The following ZBTB20 variants were observed in gnomAD, a reference collection of about 807,000 sequenced individuals.
The protein encoded by ZBTB20 is zinc finger and BTB domain-containing protein 20.
In ZBTB20, 9 loss-of-function variants were observed where a neutral mutation model predicts 56.9. The ratio of observed to expected loss-of-function variants is 0.16; its 90% CI spans 0.10 to 0.28. The LOEUF (loss-of-function observed/expected upper bound fraction) is 0.28, where lower values mean the gene tolerates loss of function less well. Among genes scored for constraint, ZBTB20 ranks in the 10% least tolerant of loss-of-function variants. The pLI is 1.00. For missense variants in ZBTB20, 655 were observed against 1,003.0 expected (o/e 0.65, Z 4.69); for synonymous variants, 417 against 420.7 (o/e 0.99, Z 0.11).
intron 3 of ZBTB20, among the ~76,000 whole-genome samples, chr3:114,934,550 T>A (rs1004010951): frequency 3.3e-5 from 5 of 152,156 alleles, no homozygotes; most frequent in Admixed American, 2.0e-4. Flanking sequence ...ATTAATCATC[T>A]CTTTTCCTTA....
At chr3:114,346,810 CA>C (rs1201366892) in intron 11 of ZBTB20, among the ~76,000 whole-genome samples, 1 of 150,082 alleles carries the variant, frequency 6.7e-6, no homozygotes, top group Non-Finnish European at 1.5e-5. Flanking sequence ...TTCAGCGTCC[CA>C]AGTAGCTGGA....
intron 7 of ZBTB20, among the ~76,000 whole-genome samples, chr3:114,393,428 T>C (rs1200961271): frequency 4.6e-5 from 7 of 152,244 alleles, no homozygotes; most frequent in Admixed American, 1.3e-4. Flanking sequence ...ATAGTATGTC[T>C]GTCCTTTAAT....
At chr3:114,571,240 C>T (rs761308049) in intron 6 of ZBTB20, among the ~76,000 whole-genome samples, 5 of 152,060 alleles carry the variant, frequency 3.3e-5, no homozygotes, top group African/African-American at 1.2e-4. Flanking sequence ...TCGAAGCATG[C>T]GTTTAACACT....
chr3:115,138,477 C>T (rs1254149421), intron 1 of ZBTB20, among the ~76,000 whole-genome samples: 2 of 152,036 alleles, frequency 1.3e-5, no homozygotes, highest in Admixed American at 1.3e-4. Context: ...CAAATCTATG[C>T]CTTTCTGAAA....
intron 6 of ZBTB20, among the ~76,000 whole-genome samples, chr3:114,545,333 C>T (rs2049744446): frequency 1.3e-5 from 2 of 152,182 alleles, no homozygotes; most frequent in Non-Finnish European, 2.9e-5. Flanking sequence ...TTCTGTCTCT[C>T]ATATAAACTA....
At chr3:114,982,520 T>C (rs1359056443) in intron 2 of ZBTB20, among the ~76,000 whole-genome samples, 1 of 151,914 alleles carries the variant, frequency 6.6e-6, no homozygotes, top group East Asian at 1.9e-4. Flanking sequence ...ACTTAAAAAA[T>C]AAATAAAATA....
At chr3:114,342,999 G>C (rs1380122974) in intron 11 of ZBTB20, among the ~76,000 whole-genome samples, 1 of 152,176 alleles carries the variant, frequency 6.6e-6, no homozygotes, top group Non-Finnish European at 1.5e-5. Flanking sequence ...GGAAGAAACT[G>C]AGGGGGAGGC....
intron 1 of ZBTB20, among the ~76,000 whole-genome samples, chr3:115,127,979 T>C (rs2084380626): frequency 6.6e-6 from 1 of 152,188 alleles, no homozygotes; most frequent in Non-Finnish European, 1.5e-5. Flanking sequence ...TCCCATTTCC[T>C]TGGTGTTCTC....
intron 1 of ZBTB20, among the ~76,000 whole-genome samples, chr3:115,083,288 C>T (rs1190839526): frequency 6.6e-6 from 1 of 151,898 alleles, no homozygotes; most frequent in Non-Finnish European, 1.5e-5. Flanking sequence ...TTTTTCAATC[C>T]ATGTGCCCAT....
At chr3:114,597,528 T>G (rs983281282) in intron 6 of ZBTB20, among the ~76,000 whole-genome samples, 2 of 152,200 alleles carry the variant, frequency 1.3e-5, no homozygotes, top group African/African-American at 4.8e-5. Context: ...TATGGCTTGT[T>G]TGTGCATTTA....
chr3:114,605,807 A>G (rs2057100229), intron 6 of ZBTB20, among the ~76,000 whole-genome samples: 1 of 152,160 alleles, frequency 6.6e-6, no homozygotes, highest in Non-Finnish European at 1.5e-5. Flanking sequence ...GAGGATAGAA[A>G]GGGATTCTAG....
chr3:114,489,874 TCACGGCCACCACCTCTTTCTAAGC>T (rs2042541943), intron 7 of ZBTB20, among the ~76,000 whole-genome samples: 1 of 152,182 alleles, frequency 6.6e-6, no homozygotes, highest in South Asian at 2.1e-4. Context: ...AGATAAGCCA[TCACGGCCACCACCTCTTTCTAAGC>T]TATCATTTTA....
At chr3:114,725,578 T>C (rs2065215008) in intron 5 of ZBTB20, among the ~76,000 whole-genome samples, 1 of 152,214 alleles carries the variant, frequency 6.6e-6, no homozygotes, top group African/African-American at 2.4e-5. Flanking sequence ...TTCGCTAAAA[T>C]GAATATACTC....
At chr3:114,487,244 G>A (rs769670179) in intron 7 of ZBTB20, among the ~76,000 whole-genome samples, 45 of 152,180 alleles carry the variant, frequency 3.0e-4, no homozygotes, top group Non-Finnish European at 6.2e-4. Flanking sequence ...GGTACACTGA[G>A]TCAGTGGCAT....
In ZBTB20 at chr3:114,420,720, T is replaced by C. The variant is rs2089078469; in HGVS notation, c.-254-31615A>G. Among the ~76,000 whole-genome samples the C allele has an allele frequency of 1.3e-5, 2 of 152,100 alleles. 1 individual carries two copies. The highest frequency in any genetic ancestry group is 4.1e-4 in the South Asian group (2 of 4,830). On this transcript the variant is annotated intron_variant, in intron 7 of 11. Transcript: ENST00000675478. The stretch of plus-strand genomic sequence containing the variant: ...AAGTAAAGACAACTCTAAAAGGAAG[T>C]AAAATGCCTTCTATTCCATCTCATG...
chr3:114,385,175 C>T (rs536004438), intron 8 of ZBTB20, among the ~76,000 whole-genome samples: 29 of 152,240 alleles, frequency 1.9e-4, no homozygotes, highest in African/African-American at 6.0e-4. Flanking sequence ...CTCCTATTGG[C>T]TCATGATAAT....
intron 5 of ZBTB20, among the ~76,000 whole-genome samples, chr3:114,723,557 C>T (rs1185657899): frequency 6.6e-6 from 1 of 152,152 alleles, no homozygotes; most frequent in East Asian, 1.9e-4. Flanking sequence ...CATAGAAGGA[C>T]CTGTGAAGCT....
At chr3:114,848,638 AAT>A (rs1320919607) in intron 4 of ZBTB20, among the ~76,000 whole-genome samples, 1 of 152,116 alleles carries the variant, frequency 6.6e-6, no homozygotes, top group Non-Finnish European at 1.5e-5. Context: ...ATTCCTCTCT[AAT>A]GATACAGTTT....
At chr3:114,805,796 C>T (rs1020355631) in intron 4 of ZBTB20, among the ~76,000 whole-genome samples, 2 of 151,810 alleles carry the variant, frequency 1.3e-5, no homozygotes, top group Non-Finnish European at 2.9e-5. Flanking sequence ...TATTTTCTCT[C>T]TCTATAAATT....
Sources: allele counts gnomAD v4.1 joint callset (sites outside exome capture counted in the v4.1 genomes callset), GRCh38; gene constraint gnomAD v4.1.1; transcripts MANE v1.5; gene names NCBI Gene and HGNC (gene_info 2026-07-23, HGNC 2026-07-21).